The following CTU2 variants were observed in gnomAD, a reference collection of about 807,000 sequenced individuals.
The protein encoded by CTU2 is cytoplasmic tRNA 2-thiolation protein 2.
In CTU2, 80 loss-of-function variants were observed where a neutral mutation model predicts 64.1. The observed-to-expected ratio is 1.25, with a 90% CI of 1.04 to 1.50. CTU2 has a LOEUF of 1.50. Ranked by LOEUF, CTU2 falls within the 40% of genes most tolerant of loss-of-function variation. CTU2 has a pLI of 0.00. For synonymous variants in CTU2, 482 were observed against 285.3 expected (o/e 1.69, Z -6.95); for missense variants, 1,110 against 690.2 (o/e 1.61, Z -6.81).
intron 4 of CTU2, among the ~76,000 whole-genome samples, chr16:88,711,423 G>A (rs900954456): frequency 1.3e-5 from 2 of 152,206 alleles, no homozygotes; most frequent in African/African-American, 4.8e-5. Context: ...AGACCCCCAG[G>A]CTACCCTTTA....
chr16:88,712,499 G>T (rs550370287), intron 6 of CTU2, 116 bp downstream of exon 6: 2 of 1,459,458 alleles, frequency 1.4e-6, no homozygotes, highest in African/African-American at 1.4e-5. Context: ...TCGGTGGGGG[G>T]TGGGAGGCAC....
Position 88,715,100 on chromosome 16 carries a change from C to T in CTU2, c.1472C>T (p.Thr491Ile). ...PYILAEAQLR[T>I]QRAWGLQEIR... ...ATCCTGGCTGAGGCCCAGCTCCGCA[C>T]ACAGAGGTACTGGGGCCCACACTGC... The change falls in exon 14 of 15, where the codon ACA becomes ATA. Residue 491 changes from threonine to isoleucine, a missense_variant. Physicochemically the swap from Thr to Ile is moderately conservative, Grantham distance 89. Transcript: ENST00000453996. The T allele has an allele frequency of 2.5e-6, 4 of 1,586,288 alleles. No homozygotes were observed. Among genetic ancestry groups the T allele is most frequent in the Non-Finnish European group, 3.4e-6 (4 of 1,165,540 alleles).
intron 2 of CTU2, chr16:88,709,469 C>G (rs1009208752): frequency 6.3e-6 from 1 of 158,168 alleles, no homozygotes; most frequent in African/African-American, 2.4e-5. Flanking sequence ...GCACTTCACC[C>G]CAAAGAGGTG....
At chr16:88,711,718 C>T (rs765683133) in intron 5 of CTU2, 23 bp downstream of exon 5, 6 of 1,601,550 alleles carry the variant, frequency 3.7e-6, no homozygotes, top group Middle Eastern at 1.7e-4. Flanking sequence ...ATTGCTCCTC[C>T]TAGTCCCTGG....
chr16:88,706,922 C>A (rs951886864), intron 1 of CTU2: 3 of 579,714 alleles, frequency 5.2e-6, no homozygotes, highest in Non-Finnish European at 9.2e-6. Context: ...CTTTATGTGC[C>A]CCCTGAGCCG....
intron 2 of CTU2, among the ~76,000 whole-genome samples, chr16:88,707,680 T>G (rs1373796565): frequency 6.6e-6 from 1 of 152,224 alleles, no homozygotes; most frequent in Non-Finnish European, 1.5e-5. Flanking sequence ...CATGTCTTTC[T>G]TGGCTTGTAG....
chr16:88,707,559 G>A (rs956985035), intron 2 of CTU2, among the ~76,000 whole-genome samples: 2 of 152,158 alleles, frequency 1.3e-5, no homozygotes, highest in Non-Finnish European at 2.9e-5. Context: ...GAGCATCTTG[G>A]GAACTTGGCA....
rs1911802429 is a variant in CTU2 at position 88,714,916 on chromosome 16, TGAA to T, written c.1411_1413del (p.Lys471del). 6.2e-7 allele frequency: 1 copy of T among 1,612,604 alleles called. No individual in the cohort carries two copies. The highest frequency in any genetic ancestry group is 2.2e-5 in the East Asian group (1 of 44,880). The stretch of plus-strand genomic sequence containing the variant: ...CTGTGCTACAGCTGCCGCGTGAACA[TGAA>T]GGACTTGGTGAGTACGTGCCCACCT... On this transcript the variant is annotated inframe_deletion, in exon 13 of 15. Transcript: ENST00000453996.
In CTU2 at chr16:88,714,754, G is replaced by C; in HGVS notation, c.1352+17G>C. On this transcript the variant is annotated intron_variant, in intron 12 of 14. Transcript: ENST00000453996. Reference sequence around the variant, plus strand: ...CTGCAGGAGGTGAGTCCCTGTCCCTGCCACCCATGGCCAGCTGCATGGGGC... The same window carrying C: ...CTGCAGGAGGTGAGTCCCTGTCCCTCCCACCCATGGCCAGCTGCATGGGGC... The C allele has an allele frequency of 6.2e-7, 1 of 1,604,666 alleles. No individual in the cohort carries two copies.
chr16:88,713,732 G>T lies in CTU2; in HGVS notation c.959G>T (p.Arg320Leu). Residue 320 changes from arginine (R) to leucine (L), a missense_variant, in exon 9 of 15, where the codon CGC becomes CTC. Arg to Leu is a moderately radical substitution (Grantham distance 102). Coordinates refer to ENST00000453996, the MANE Select transcript of CTU2 (RefSeq NM_001012759.3). ...CTGAAGGAGGTCGCTTTCTACAACC[G>T]CCTGTTCTCCGTTCCTTCTGTCTTC... Reference protein sequence around the residue: ...HTLKEVAFYNRLFSVPSVFTP... With the variant: ...HTLKEVAFYNLLFSVPSVFTP... The T allele has an allele frequency of 2.5e-6, 4 of 1,612,666 alleles. No individual in the cohort carries two copies. Among genetic ancestry groups the T allele is most frequent in the South Asian group, 2.2e-5 (2 of 91,092 alleles).
At position 88,715,095 on chromosome 16, in the gene CTU2, C is replaced by G; in HGVS notation, c.1467C>G (p.Leu489=). The G allele has an allele frequency of 1.3e-6, 2 of 1,584,048 alleles. No individual in the cohort carries two copies. The highest frequency in any genetic ancestry group is 2.3e-5 in the South Asian group (2 of 86,846). ...CGTACATCCTGGCTGAGGCCCAGCTCCGCACACAGAGGTACTGGGGCCCAC... is the reference window on the plus strand; with the variant it reads ...CGTACATCCTGGCTGAGGCCCAGCTGCGCACACAGAGGTACTGGGGCCCAC... ...LPPYILAEAQ[L]RTQRAWGLQE... The change falls in exon 14 of 15, where the codon CTC becomes CTG. Residue 489 remains leucine (L), a synonymous_variant. Transcript: ENST00000453996.
chr16:88,714,334 G>C lies in CTU2; in HGVS notation c.1098-49G>C, dbSNP rs762325925. The C allele has an allele frequency of 5.6e-6, 9 of 1,604,238 alleles. No homozygotes were observed. The South Asian group carries it at 8.8e-5, about 16-fold the overall frequency. ...CGTGCTCAGGCCAGGGCTTAGGGTG[G>C]AGCCCCAGCCCGTGTGATTCACCTG... On this transcript the variant is annotated intron_variant, in intron 10 of 14. Transcript: ENST00000453996.
chr16:88,712,446 C>G, intron 6 of CTU2, 63 bp downstream of exon 6: 1 of 1,474,232 alleles, frequency 6.8e-7, no homozygotes, highest in South Asian at 1.3e-5. Context: ...CTGCCCGTGT[C>G]CCAGCCTCAC....
chr16:88,714,085 C>G (rs776563195), intron 9 of CTU2, 51 bp from the exon 10 acceptor site: 16 of 1,566,836 alleles, frequency 1.0e-5, no homozygotes, highest in South Asian at 4.4e-5. Flanking sequence ...CTGCCCCAGC[C>G]TGGGGCTGGC....
chr16:88,714,022 C>A, intron 9 of CTU2, 114 bp from the exon 10 acceptor site: 1 of 1,160,770 alleles, frequency 8.6e-7, no homozygotes, highest in Non-Finnish European at 1.3e-6. Context: ...CGCAGCAAAG[C>A]CAGACCCATG....
At chr16:88,708,005 G>A (rs894620025) in intron 2 of CTU2, among the ~76,000 whole-genome samples, 17 of 152,098 alleles carry the variant, frequency 1.1e-4, no homozygotes, top group African/African-American at 4.1e-4. Context: ...GTAGAGACAG[G>A]GTTTCACCAT....
At position 88,712,315 on chromosome 16, in the gene CTU2, A is replaced by G; in HGVS notation, c.385A>G (p.Thr129Ala). ...CGQSLEERSK[T>A]LAEVKPILQA... ...CCAGAGCCTAGAGGAGAGATCAAAGACCCTGGCCGAAGTGAAGCCCATTCT... is the reference window on the plus strand; with the variant it reads ...CCAGAGCCTAGAGGAGAGATCAAAGGCCCTGGCCGAAGTGAAGCCCATTCT... The change falls in exon 6 of 15, where the codon ACC becomes GCC. Residue 129 changes from threonine (T) to alanine (A), a missense_variant. Thr to Ala is a moderately conservative substitution (Grantham distance 58). Coordinates refer to ENST00000453996, the MANE Select transcript of CTU2 (RefSeq NM_001012759.3). The G allele has an allele frequency of 1.2e-6, 2 of 1,609,628 alleles. No individual in the cohort carries two copies. The highest frequency in any genetic ancestry group is 1.7e-6 in the Non-Finnish European group (2 of 1,178,048).
intron 13 of CTU2, 41 bp downstream of exon 13, chr16:88,714,967 G>A (rs759122586): frequency 3.8e-5 from 60 of 1,591,582 alleles, no homozygotes; most frequent in Middle Eastern, 3.3e-4. Flanking sequence ...GCTTGGGGAC[G>A]CGGGAAGGCC....
chr16:88,706,962 C>G, intron 1 of CTU2, 174 bp from the exon 2 acceptor site: 2 of 650,854 alleles, frequency 3.1e-6, no homozygotes, highest in Non-Finnish European at 2.7e-6. Flanking sequence ...CCCCCCAGAG[C>G]CTTTGTTTTT....
Sources: gnomAD v4.1 joint callset for allele counts (sites outside exome capture counted in the v4.1 genomes callset) on GRCh38, gnomAD v4.1.1 for gene constraint, MANE v1.5 for transcripts, NCBI Gene and HGNC (gene_info 2026-07-23, HGNC 2026-07-21) for gene names.